The following ARHGAP10 variants were observed in gnomAD, a reference collection of about 807,000 sequenced individuals.
The protein encoded by ARHGAP10 is Rho GTPase activating protein 10.
A neutral mutation model predicts 108.6 loss-of-function variants in ARHGAP10; 87 were observed. That is an observed-to-expected ratio of 0.80 (90% confidence interval 0.67 to 0.96). ARHGAP10 has a LOEUF of 0.96. Ranked by LOEUF, ARHGAP10 falls within the 40% of genes least tolerant of loss-of-function variation. The probability of loss-of-function intolerance (pLI) is 0.00; values close to 1 mark genes in which losing one functional copy is unlikely to be tolerated. For synonymous variants in ARHGAP10, 347 were observed against 341.1 expected, an observed-to-expected ratio of 1.02 and a Z score of -0.19; for missense variants, 939 against 954.5, an observed-to-expected ratio of 0.98 and a Z score of 0.21.
intron 18 of ARHGAP10, among the ~76,000 whole-genome samples, chr4:147,974,104 G>A (rs1432090725): frequency 6.6e-6 from 1 of 151,972 alleles, no homozygotes; most frequent in Non-Finnish European, 1.5e-5. Flanking sequence ...AGTTTTTTGA[G>A]GAACCTCCAA....
At chr4:147,897,785 G>A (rs1380310257) in intron 10 of ARHGAP10, among the ~76,000 whole-genome samples, 1 of 152,090 alleles carries the variant, frequency 6.6e-6, no homozygotes, top group Non-Finnish European at 1.5e-5. Flanking sequence ...GTAATCAGTG[G>A]TCTTTTAAAG....
intron 1 of ARHGAP10, among the ~76,000 whole-genome samples, chr4:147,764,240 A>G (rs1220383219): frequency 6.6e-6 from 1 of 152,080 alleles, no homozygotes; most frequent in African/African-American, 2.4e-5. Context: ...TGGGGGAGTA[A>G]TGTGAGATGA....
At chr4:147,982,589 T>TG (rs1460170174) in intron 18 of ARHGAP10, among the ~76,000 whole-genome samples, 1 of 141,010 alleles carries the variant, frequency 7.1e-6, no homozygotes, top group Non-Finnish European at 1.5e-5. Flanking sequence ...TGTGTTGAGA[T>TG]GGGGTCTCCC....
intron 20 of ARHGAP10, 107 bp from the exon 21 acceptor site, chr4:148,063,041 C>T: frequency 7.3e-7 from 1 of 1,362,012 alleles, no homozygotes; most frequent in Non-Finnish European, 1.0e-6. Context: ...ACTGGTCAGG[C>T]ATGATAGGGG....
intron 18 of ARHGAP10, among the ~76,000 whole-genome samples, chr4:148,002,211 A>C (rs1034121818): frequency 4.3e-4 from 65 of 152,166 alleles, no homozygotes; most frequent in African/African-American, 1.5e-3. Context: ...ATGATGGATT[A>C]AGTTTGTTGA....
At chr4:147,749,980 G>C (rs1729076497) in intron 1 of ARHGAP10, among the ~76,000 whole-genome samples, 1 of 152,196 alleles carries the variant, frequency 6.6e-6, no homozygotes, top group African/African-American at 2.4e-5. Context: ...TAAGATGGTT[G>C]AGTGCTTTTT....
At chr4:147,830,512 CTTTTTTTTTTTTT>C (rs56946602) in intron 3 of ARHGAP10, among the ~76,000 whole-genome samples, 1 of 102,326 alleles carries the variant, frequency 9.8e-6, no homozygotes, top group Non-Finnish European at 1.9e-5. Context: ...ACCACAATTC[CTTTTTTTTTTTTT>C]TTTTTTTTTT....
intron 18 of ARHGAP10, among the ~76,000 whole-genome samples, chr4:147,975,466 G>A (rs1739557899): frequency 6.6e-6 from 1 of 152,208 alleles, no homozygotes; most frequent in Non-Finnish European, 1.5e-5. Context: ...TAATTTTGAA[G>A]GAACAGAGAT....
intron 1 of ARHGAP10, among the ~76,000 whole-genome samples, chr4:147,791,729 C>T (rs1731133889): frequency 6.6e-6 from 1 of 152,088 alleles, no homozygotes; most frequent in Admixed American, 6.5e-5. Flanking sequence ...AGATTATAGG[C>T]ACCCGCCACC....
chr4:147,798,724 ACTCT>A (rs1178256407), intron 1 of ARHGAP10, among the ~76,000 whole-genome samples: 19 of 85,986 alleles, frequency 2.2e-4, no homozygotes, highest in African/African-American at 8.3e-4. Context: ...AGTTTGAGAC[ACTCT>A]CTCTCTCTCT....
At chr4:147,923,684 C>G (rs575304554) in intron 13 of ARHGAP10, among the ~76,000 whole-genome samples, 123 of 152,290 alleles carry the variant, frequency 8.1e-4, no homozygotes, top group African/African-American at 2.9e-3. Context: ...CATGTAAAAG[C>G]AAATTTATCT....
chr4:147,930,195 T>C (rs543949777), intron 13 of ARHGAP10, among the ~76,000 whole-genome samples: 18 of 152,196 alleles, frequency 1.2e-4, no homozygotes, highest in Admixed American at 3.9e-4. Context: ...GAGAATGTAT[T>C]TCTGTAGAAT....
At chr4:148,027,281 A>C (rs1220058037) in intron 19 of ARHGAP10, among the ~76,000 whole-genome samples, 2 of 152,224 alleles carry the variant, frequency 1.3e-5, no homozygotes, top group African/African-American at 4.8e-5. Context: ...CAGCTTATTT[A>C]GGCAACTTAA....
chr4:147,825,783 T>C (rs1055055904), intron 3 of ARHGAP10, among the ~76,000 whole-genome samples: 4 of 152,224 alleles, frequency 2.6e-5, no homozygotes, highest in Non-Finnish European at 5.9e-5. Flanking sequence ...CAATTTTTTT[T>C]CTTAACCCTC....
chr4:147,751,364 T>A (rs1729139504), intron 1 of ARHGAP10, among the ~76,000 whole-genome samples: 1 of 151,466 alleles, frequency 6.6e-6, no homozygotes, highest in African/African-American at 2.4e-5. Context: ...AGATAATAGT[T>A]GTTGTTTTTT....
intron 7 of ARHGAP10, among the ~76,000 whole-genome samples, chr4:147,871,676 T>G (rs1734829347): frequency 1.3e-5 from 2 of 152,156 alleles, no homozygotes; most frequent in Admixed American, 1.3e-4. Context: ...ACGTTTGGGG[T>G]CTAACATTAT....
intron 15 of ARHGAP10, among the ~76,000 whole-genome samples, chr4:147,949,000 G>A (rs891750048): frequency 2.6e-5 from 4 of 151,390 alleles, no homozygotes; most frequent in Admixed American, 1.3e-4. Flanking sequence ...CCAAAAAACA[G>A]AATCCATTGT....
At chr4:147,791,708 C>T (rs983980305) in intron 1 of ARHGAP10, among the ~76,000 whole-genome samples, 1 of 152,200 alleles carries the variant, frequency 6.6e-6, no homozygotes, top group South Asian at 2.1e-4. Flanking sequence ...CCTCAGCCTC[C>T]CGAGTAGCTG....
At position 147,881,939 on chromosome 4, in the gene ARHGAP10, T is replaced by G. The variant is rs772614370; in HGVS notation, c.1034+7T>G. The stretch of plus-strand genomic sequence containing the variant: ...ACATAGAAGCTGCTGATCGGTAAGT[T>G]ATTGGAATTATTGGACATGGTGAAA... On this transcript the variant is annotated splice_region_variant and intron_variant, in intron 10 of 22. Transcript: ENST00000336498. The G allele has an allele frequency of 1.9e-6, 3 of 1,611,004 alleles. No individual in the cohort carries two copies. Among genetic ancestry groups the G allele is most frequent in the Non-Finnish European group, 2.5e-6 (3 of 1,178,416 alleles).
Sources: allele counts gnomAD v4.1 joint callset (sites outside exome capture counted in the v4.1 genomes callset), GRCh38; gene constraint gnomAD v4.1.1; transcripts MANE v1.5; gene names NCBI Gene and HGNC (gene_info 2026-07-23, HGNC 2026-07-21).